The following FNIP2 variants were observed in gnomAD, a reference collection of about 807,000 sequenced individuals.
FNIP2 encodes the protein folliculin interacting protein 2.
FNIP2 carries 32 observed loss-of-function variants against 108.7 expected under a neutral mutation model. The observed-to-expected ratio is 0.29, with a 90% CI of 0.22 to 0.40. FNIP2 has a LOEUF of 0.40. Ranked by LOEUF, FNIP2 falls within the 10% of genes least tolerant of loss-of-function variation. The probability of loss-of-function intolerance (pLI) is 1.00; values close to 1 mark genes in which losing one functional copy is unlikely to be tolerated. For synonymous variants in FNIP2, 480 were observed against 496.7 expected (o/e 0.97, Z 0.45); for missense variants, 1,202 against 1,381.6 (o/e 0.87, Z 2.06).
At chr4:158,806,033 G>A (rs955390592) in intron 1 of FNIP2, 4 of 718,074 alleles carry the variant, frequency 5.6e-6, no homozygotes, top group Non-Finnish European at 7.0e-6. Context: ...ACAAATGAAT[G>A]TTCCACCTTT....
intron 6 of FNIP2, chr4:158,834,312 CT>C (rs1488211133): frequency 6.7e-6 from 1 of 150,204 alleles, no homozygotes; most frequent in African/African-American, 2.5e-5. Flanking sequence ...CTCTCTCTCT[CT>C]CTCTCTCTCT....
chr4:158,868,341 G>A lies in FNIP2; in HGVS notation c.1705G>A (p.Val569Ile). Reference protein sequence around the residue: ...KGEVEESEYVVITVRNEPALV... With the variant: ...KGEVEESEYVIITVRNEPALV... ...AGAGGTGGAGGAGTCTGAGTATGTG[G>A]TCATTACGGTGAGGAACGAGCCCGC... is the stretch of plus-strand genomic sequence containing the variant. The change falls in exon 13 of 17, where the codon GTC becomes ATC. Residue 569 changes from valine (V) to isoleucine (I), a missense_variant. Physicochemically the swap from Val to Ile is conservative, Grantham distance 29. Coordinates refer to ENST00000264433, the MANE Select transcript of FNIP2 (RefSeq NM_020840.3). This position sits in a 1 kb window ranked among gnomAD's most constrained non-coding sequence, Gnocchi z 4.6. 2 of 1,614,032 alleles carry A rather than the reference G, an allele frequency of 1.2e-6. No individual in the cohort carries two copies. The highest frequency in any genetic ancestry group is 1.7e-6 in the Non-Finnish European group (2 of 1,179,910).
chr4:158,881,875 C>T (rs1373655868), intron 14 of FNIP2, among the ~76,000 whole-genome samples: 130 of 140,940 alleles, frequency 9.2e-4, no homozygotes, highest in South Asian at 3.3e-3. Context: ...GCCGCCACCC[C>T]GTCTGGGAAG....
rs375959432 is a variant in FNIP2 at position 158,891,663 on chromosome 4, A to G, written c.3150+17A>G. ...GCTGATTTTGTAAGTACTGGTTCTT[A>G]TATCACCAAAGAAATCTAGTTTTAA... is the stretch of plus-strand genomic sequence containing the variant. On this transcript the variant is annotated intron_variant, in intron 15 of 16. Coordinates refer to ENST00000264433, the MANE Select transcript of FNIP2 (RefSeq NM_020840.3). The G allele has an allele frequency of 8.2e-6, 13 of 1,585,682 alleles. No homozygotes were observed. Among genetic ancestry groups the G allele is most frequent in the Admixed American group, 7.0e-5 (4 of 57,452 alleles).
chr4:158,867,180 T>C (rs1160197989), intron 12 of FNIP2, among the ~76,000 whole-genome samples: 1 of 152,070 alleles, frequency 6.6e-6, no homozygotes, highest in Admixed American at 6.6e-5. Context: ...CATACTTTTT[T>C]CCAGTTGAAT....
chr4:158,808,962 G>A (rs534694861), intron 1 of FNIP2, among the ~76,000 whole-genome samples: 14 of 152,196 alleles, frequency 9.2e-5, no homozygotes, highest in African/African-American at 2.4e-4. Flanking sequence ...GTCTCATTGC[G>A]GTTCATGTAG....
chr4:158,899,644 G>A (rs574689762), intron 16 of FNIP2, among the ~76,000 whole-genome samples: 1 of 152,296 alleles, frequency 6.6e-6, no homozygotes, highest in African/African-American at 2.4e-5. Flanking sequence ...GAGTAGAGGT[G>A]TTTATAGTAT....
intron 1 of FNIP2, among the ~76,000 whole-genome samples, chr4:158,788,640 G>A (rs577777115): frequency 1.1e-4 from 16 of 152,336 alleles, no homozygotes; most frequent in African/African-American, 2.9e-4. Flanking sequence ...AGAAGAAGCC[G>A]TACATATGGA....
intron 14 of FNIP2, among the ~76,000 whole-genome samples, chr4:158,886,606 G>A (rs1782039309): frequency 6.6e-6 from 1 of 152,212 alleles, no homozygotes; most frequent in Non-Finnish European, 1.5e-5. Context: ...ACATATCGCA[G>A]ATCCATTCTA....
chr4:158,874,771 T>C (rs1396242696), intron 14 of FNIP2, among the ~76,000 whole-genome samples: 1 of 152,020 alleles, frequency 6.6e-6, no homozygotes. Context: ...TGAAAATTAC[T>C]GTCAGAGATA....
At chr4:158,799,555 A>C (rs1776695805) in intron 1 of FNIP2, among the ~76,000 whole-genome samples, 1 of 152,174 alleles carries the variant, frequency 6.6e-6, no homozygotes, top group Non-Finnish European at 1.5e-5. Flanking sequence ...AGAATGAGAG[A>C]TCTGTGAATG....
chr4:158,870,270 A>G, intron 13 of FNIP2, 43 bp from the exon 14 acceptor site: 1 of 1,590,858 alleles, frequency 6.3e-7, no homozygotes, highest in Non-Finnish European at 8.6e-7. Flanking sequence ...AGAAAAAAGT[A>G]CATTTTTAGC....
chr4:158,770,048 C>T (rs903491763), intron 1 of FNIP2, among the ~76,000 whole-genome samples: 2 of 152,176 alleles, frequency 1.3e-5, no homozygotes, highest in South Asian at 4.1e-4. Flanking sequence ...ACTTTTCTGA[C>T]AATGCGGTGA....
At chr4:158,860,049 T>A (rs1780193838) in intron 10 of FNIP2, among the ~76,000 whole-genome samples, 1 of 152,128 alleles carries the variant, frequency 6.6e-6, no homozygotes, top group East Asian at 1.9e-4. Flanking sequence ...GATGGAGAGG[T>A]TATGCATGTC....
rs1421363328 is a variant in FNIP2 at position 158,905,008 on chromosome 4, C to T, written c.*464C>T. On this transcript the variant is annotated 3_prime_UTR_variant, in exon 17 of 17. Coordinates refer to ENST00000264433, the MANE Select transcript of FNIP2 (RefSeq NM_020840.3). Reference sequence around the variant, plus strand: ...CTATTCTGAGACAACAATCAGAATACAGACTTTGGATTCCAGGTCACAGTT... The same window carrying T: ...CTATTCTGAGACAACAATCAGAATATAGACTTTGGATTCCAGGTCACAGTT... The T allele has an allele frequency of 6.5e-6, 1 of 154,286 alleles. No individual in the cohort carries two copies. The highest frequency in any genetic ancestry group is 1.4e-5 in the Non-Finnish European group (1 of 69,304). The allele number at this position is 154,286 out of a possible 1,614,324, so 9.6% of individuals were successfully genotyped here. A position where few individuals can be genotyped will look rare whatever the true frequency, so the allele number is the denominator to read the frequency against.
intron 1 of FNIP2, among the ~76,000 whole-genome samples, chr4:158,774,401 T>C (rs1372311615): frequency 4.6e-5 from 7 of 152,198 alleles, no homozygotes; most frequent in Non-Finnish European, 1.0e-4. Flanking sequence ...TATTAGATTA[T>C]TTAACTATTT....
intron 10 of FNIP2, 54 bp downstream of exon 10, chr4:158,859,720 G>T: frequency 7.1e-7 from 1 of 1,415,582 alleles, no homozygotes; most frequent in East Asian, 2.4e-5. Context: ...AGCAGCCATG[G>T]ATAAAGATAA....
intron 8 of FNIP2, among the ~76,000 whole-genome samples, chr4:158,854,666 A>G (rs1048217655): frequency 7.2e-5 from 11 of 152,252 alleles, no homozygotes; most frequent in Admixed American, 3.3e-4. Flanking sequence ...GAGGGACCCA[A>G]GGAAAACTGT....
intron 1 of FNIP2, among the ~76,000 whole-genome samples, chr4:158,769,991 A>G (rs538152773): frequency 1.6e-4 from 25 of 152,222 alleles, no homozygotes; most frequent in Non-Finnish European, 8.8e-5. Context: ...GATAGCATTT[A>G]TGGAGAGCTT....
Sources: gnomAD v4.1 joint callset for allele counts (sites outside exome capture counted in the v4.1 genomes callset) on GRCh38, gnomAD v4.1.1 for gene constraint, Gnocchi (gnomAD v3.1) non-coding constraint, MANE v1.5 for transcripts, NCBI Gene and HGNC (gene_info 2026-07-23, HGNC 2026-07-21) for gene names.